The following RNF43 variants were observed in gnomAD, a reference collection of about 807,000 sequenced individuals.
RNF43 encodes the protein ring finger protein 43.
Under a neutral mutation model 78.4 loss-of-function variants are expected in RNF43, and 37 were observed. The ratio of observed to expected loss-of-function variants is 0.47; its 90% CI spans 0.36 to 0.62. The LOEUF (loss-of-function observed/expected upper bound fraction) is 0.62. Among genes scored for constraint, RNF43 ranks in the 20% least tolerant of loss-of-function variants. RNF43 has a pLI of 0.00. For synonymous variants in RNF43, 347 were observed against 395.0 expected (o/e 0.88, Z 1.44); for missense variants, 774 against 1,007.9 (o/e 0.77, Z 3.14).
Position 58,417,453 on chromosome 17 carries a change from T to C in RNF43, c.-822A>G, listed in dbSNP as rs1490488512. ...AATCCCAGAGAGAGAGAAGGCAGTA[T>C]CTCTGAATCATGGATGGACTTGGAA... On this transcript the variant is annotated 5_prime_UTR_variant, in exon 1 of 10. Transcript: ENST00000407977. 2 of 152,210 alleles carry C rather than the reference T, an allele frequency of 1.3e-5. No homozygotes were observed. Among genetic ancestry groups the C allele is most frequent in the African/African-American group, 2.4e-5 (1 of 41,450 alleles). The allele number at this position is 152,210 out of a possible 1,614,324, so 9.4% of individuals were successfully genotyped here. A position where few individuals can be genotyped will look rare whatever the true frequency, so the allele number is the denominator to read the frequency against.
chr17:58,361,241 T>C (rs1012097220), intron 6 of RNF43, among the ~76,000 whole-genome samples: 1 of 152,230 alleles, frequency 6.6e-6, no homozygotes, highest in Non-Finnish European at 1.5e-5. Context: ...TTCAAACTTA[T>C]AGGCCTCATC....
chr17:58,395,281 G>A (rs1973653809), intron 2 of RNF43, among the ~76,000 whole-genome samples: 1 of 152,188 alleles, frequency 6.6e-6, no homozygotes, highest in African/African-American at 2.4e-5. Flanking sequence ...CAAAGATAAT[G>A]GAAAGATGAT....
In RNF43 at chr17:58,353,734, C is replaced by A. The variant is rs949611950; in HGVS notation, c.*1209G>T. 2 of 210,344 alleles carry A rather than the reference C, an allele frequency of 9.5e-6. No homozygotes were observed. The highest frequency in any genetic ancestry group is 1.9e-5 in the Non-Finnish European group (2 of 103,092). The allele number at this position is 210,344 out of a possible 1,614,324, so 13.0% of individuals were successfully genotyped here. The stretch of plus-strand genomic sequence containing the variant: ...TTCTTAACATAGTGCCTGATTCAAG[C>A]GTCTGTCTGGTTCAGATATAAATAC... On this transcript the variant is annotated 3_prime_UTR_variant, in exon 10 of 10. Coordinates refer to ENST00000407977, the MANE Select transcript of RNF43 (RefSeq NM_017763.6).
intron 2 of RNF43, among the ~76,000 whole-genome samples, chr17:58,371,556 C>G (rs1454742553): frequency 6.6e-6 from 1 of 152,274 alleles, no homozygotes; most frequent in Non-Finnish European, 1.5e-5. Flanking sequence ...TCCCATTTCT[C>G]AGGAGGCTGG....
chr17:58,385,182 T>G (rs777376176), intron 2 of RNF43, among the ~76,000 whole-genome samples: 1 of 152,234 alleles, frequency 6.6e-6, no homozygotes, highest in Non-Finnish European at 1.5e-5. Context: ...CCTAAAGATG[T>G]ACTCTCTGAT....
intron 2 of RNF43, among the ~76,000 whole-genome samples, chr17:58,393,631 T>A (rs1433555575): frequency 2.0e-5 from 3 of 152,198 alleles, no homozygotes; most frequent in Admixed American, 6.5e-5. Flanking sequence ...TGTTCAATAG[T>A]CAACTGTACT....
Position 58,414,176 on chromosome 17 carries a change from A to G in RNF43, c.252+1150T>C, listed in dbSNP as rs561131291. 2.0e-5 allele frequency among the ~76,000 whole-genome samples: 3 copies of G among 152,324 alleles called. No individual in the cohort carries two copies. The South Asian group carries it at 6.2e-4, about 32-fold the overall frequency. On this transcript the variant is annotated intron_variant, in intron 2 of 9. Coordinates refer to ENST00000407977, the MANE Select transcript of RNF43 (RefSeq NM_017763.6). ...TCACTTCATTTATCCCAGCTTCAAA[A>G]TATTGCCTAAGAAGTGATAATGAAT...
chr17:58,363,025 A>G (rs1567876591), intron 5 of RNF43: 1 of 552,754 alleles, frequency 1.8e-6, no homozygotes, highest in African/African-American at 1.9e-5. Flanking sequence ...TAGCTCTGCT[A>G]TTCCATGCCA....
At chr17:58,375,140 C>T (rs544647173) in intron 2 of RNF43, among the ~76,000 whole-genome samples, 8 of 152,218 alleles carry the variant, frequency 5.3e-5, no homozygotes, top group African/African-American at 1.9e-4. Flanking sequence ...CCCTATTTAC[C>T]GAAATAACCT....
chr17:58,387,669 A>C (rs188754801), intron 2 of RNF43, among the ~76,000 whole-genome samples: 111 of 152,272 alleles, frequency 7.3e-4, no homozygotes, highest in South Asian at 1.7e-3. Flanking sequence ...TCAAAAAAAA[A>C]ACAAAAAAAC....
chr17:58,357,954 C>T lies in RNF43; in HGVS notation c.1822G>A (p.Gly608Arg), dbSNP rs2143398729. 6.2e-7 allele frequency: 1 copy of T among 1,611,702 alleles called. No homozygotes were observed. The highest frequency in any genetic ancestry group is 8.5e-7 in the Non-Finnish European group (1 of 1,179,088). ...VTRSNSAAPS[G>R]RLSNPQCPRA... ...GGGCACTGTGGGTTAGAGAGCCGCC[C>T]CGAAGGGGCTGCTGAGTTGGATCTG... Residue 608 changes from glycine to arginine, a missense_variant, in exon 9 of 10, where the codon GGG becomes AGG. Physicochemically the swap from Gly to Arg is moderately radical, Grantham distance 125. Transcript: ENST00000407977. This position sits in a 1 kb window ranked among gnomAD's most constrained non-coding sequence, Gnocchi z 4.5.
chr17:58,377,692 GC>G (rs1426810742), intron 2 of RNF43, among the ~76,000 whole-genome samples: 1 of 12,484 alleles, frequency 8.0e-5, no homozygotes, highest in Non-Finnish European at 1.7e-4. Context: ...ACCCCCTCCT[GC>G]CCCCACCACC....
rs536706190 is a variant in RNF43, at chr17:58,358,841, G to A, written c.953-18C>T. The A allele has an allele frequency of 4.1e-6, 6 of 1,473,894 alleles. No individual in the cohort carries two copies. In the Admixed American group the frequency reaches 1.5e-4, roughly 37 times the overall value. 91.3% of individuals were successfully genotyped at this position (1,473,894 alleles called of 1,614,324 possible). On this transcript the variant is annotated intron_variant, in intron 8 of 9. Transcript: ENST00000407977. The surrounding 1 kb of genome is among the most constrained non-coding windows in gnomAD (Gnocchi z 6.2). Reference sequence around the variant, plus strand: ...ATCTCCCTCTGGAAAAAAGAACCAAGAGCACAGATGTTTAACTCTACAAAC... The same window carrying A: ...ATCTCCCTCTGGAAAAAAGAACCAAAAGCACAGATGTTTAACTCTACAAAC...
rs2143419707 is a variant in RNF43, at chr17:58,358,560, C to T, written c.1216G>A (p.Ala406Thr). Reference sequence around the variant, plus strand: ...TGTGCATAGGGGTGCTGGGCTCCTGCCAGGCGCTGCTGCTCTCCTGGAGCC... The same window carrying T: ...TGTGCATAGGGGTGCTGGGCTCCTGTCAGGCGCTGCTGCTCTCCTGGAGCC... ...PRAPGEQQRL[A>T]GAQHPYAQGW... The change falls in exon 9 of 10, where the codon GCA (alanine) becomes ACA (threonine). Residue 406 changes from alanine to threonine, a missense_variant. By Grantham distance (58) the Ala-to-Thr change is moderately conservative. Coordinates refer to ENST00000407977, the MANE Select transcript of RNF43 (RefSeq NM_017763.6). The surrounding 1 kb of genome is among the most constrained non-coding windows in gnomAD (Gnocchi z 6.2). 6.2e-7 allele frequency: 1 copy of T among 1,607,458 alleles called. No individual in the cohort carries two copies. The highest frequency in any genetic ancestry group is 1.1e-5 in the South Asian group (1 of 90,030).
intron 2 of RNF43, among the ~76,000 whole-genome samples, chr17:58,387,521 G>C (rs1973462984): frequency 6.6e-6 from 1 of 151,886 alleles, no homozygotes; most frequent in Non-Finnish European, 1.5e-5. Context: ...CATGGTGGCA[G>C]GTGCCTGTAA....
chr17:58,386,327 G>C (rs1466025307), intron 2 of RNF43, among the ~76,000 whole-genome samples: 1 of 151,128 alleles, frequency 6.6e-6, no homozygotes, highest in East Asian at 2.0e-4. Context: ...TTGGGAGGCT[G>C]AGGCAGGAGA....
At chr17:58,362,974 C>A (rs1972869714) in intron 5 of RNF43, among the ~76,000 whole-genome samples, 1 of 152,196 alleles carries the variant, frequency 6.6e-6, no homozygotes, top group Non-Finnish European at 1.5e-5. Context: ...GTAGAGAAGC[C>A]CCAATCAGGG....
rs1974148370 is a variant in RNF43, at chr17:58,417,364, G to A, written c.-733C>T. On this transcript the variant is annotated 5_prime_UTR_variant, in exon 1 of 10. Transcript: ENST00000407977. ...TCCAAACAGCATATAAAATGATCAAGTCTTGAAAGAGAAAAGAAGCAAAGT... is the reference window on the plus strand; with the variant it reads ...TCCAAACAGCATATAAAATGATCAAATCTTGAAAGAGAAAAGAAGCAAAGT... The A allele has an allele frequency of 6.6e-6, 1 of 152,178 alleles. No homozygotes were observed. Among genetic ancestry groups the A allele is most frequent in the Non-Finnish European group, 1.5e-5 (1 of 68,028 alleles). The allele number at this position is 152,178 out of a possible 1,614,324, so 9.4% of individuals were successfully genotyped here.
intron 2 of RNF43, among the ~76,000 whole-genome samples, chr17:58,372,149 G>T (rs562850826): frequency 6.6e-6 from 1 of 152,228 alleles, no homozygotes; most frequent in Non-Finnish European, 1.5e-5. Flanking sequence ...GAACCACAGA[G>T]AATCTTGAAT....
Sources: gnomAD v4.1 joint callset for allele counts (sites outside exome capture counted in the v4.1 genomes callset) on GRCh38, gnomAD v4.1.1 for gene constraint, Gnocchi (gnomAD v3.1) non-coding constraint, MANE v1.5 for transcripts, NCBI Gene and HGNC (gene_info 2026-07-23, HGNC 2026-07-21) for gene names.